PXDN: variants seen among roughly 807,000 people sequenced by gnomAD.
PXDN encodes peroxidasin homolog.
PXDN carries 77 observed loss-of-function variants against 140.3 expected under a neutral mutation model. The ratio of observed to expected loss-of-function variants is 0.55; its 90% CI spans 0.46 to 0.66. The LOEUF is 0.66. Among genes scored for constraint, PXDN ranks in the 30% least tolerant of loss-of-function variants. PXDN has a pLI of 0.00. For missense variants in PXDN, 1,838 were observed against 2,039.5 expected, an observed-to-expected ratio of 0.90 and a Z score of 1.90; for synonymous variants, 911 against 857.4, an observed-to-expected ratio of 1.06 and a Z score of -1.09.
At chr2:1,734,531 T>C (rs1390804372) in intron 1 of PXDN, among the ~76,000 whole-genome samples, 1 of 152,202 alleles carries the variant, frequency 6.6e-6, no homozygotes, top group Non-Finnish European at 1.5e-5. Flanking sequence ...TAGTATGCGA[T>C]GCTGTTTCAT....
In PXDN at chr2:1,675,165, T is replaced by TC. The variant is rs367736838; in HGVS notation, c.849-1354dup. On this transcript the variant is annotated intron_variant, in intron 8 of 22. Transcript: ENST00000252804. ...CAAGACTCTCTCTGATGTGGCCCAA[T>TC]CCCCCCCACCAGAAACACGGCGAGC... Among the ~76,000 whole-genome samples, 31 of 151,274 alleles carry TC rather than the reference T, an allele frequency of 2.0e-4. No homozygotes were observed. In the South Asian group the frequency reaches 5.1e-3, roughly 25 times the overall value.
chr2:1,685,947 A>G lies in PXDN; in HGVS notation c.416+1685T>C, dbSNP rs1268564624. On this transcript the variant is annotated intron_variant, in intron 4 of 22. Coordinates refer to ENST00000252804, the MANE Select transcript of PXDN (RefSeq NM_012293.3). This position sits in a 1 kb window ranked among gnomAD's most constrained non-coding sequence, Gnocchi z 5.1. Reference sequence around the variant, plus strand: ...GGTGTGTTTTCTGACCTGTGTCCACAGCTTCCCAAAGAGCCTTCTTTCTGG... The same window carrying G: ...GGTGTGTTTTCTGACCTGTGTCCACGGCTTCCCAAAGAGCCTTCTTTCTGG... Among the ~76,000 whole-genome samples, 1 of 152,138 alleles carries G rather than the reference A, an allele frequency of 6.6e-6. No homozygotes were observed. The highest frequency in any genetic ancestry group is 1.5e-5 in the Non-Finnish European group (1 of 68,004).
In PXDN at chr2:1,643,544, G is replaced by A. The variant is rs369587687; in HGVS notation, c.3776C>T (p.Pro1259Leu). The change falls in exon 19 of 23, where the codon CCG becomes CTG. Residue 1259 changes from proline (P) to leucine (L), a missense_variant. Transcript: ENST00000252804. Reference protein sequence around the residue: ...LWYENPGVFSPAQLTQIKQTS... With the variant: ...LWYENPGVFSLAQLTQIKQTS... ...CTGCTTGATCTGAGTCAGCTGGGCCGGGGAGAACACCCCAGGGTTCTCATA... is the reference window on the plus strand; with the variant it reads ...CTGCTTGATCTGAGTCAGCTGGGCCAGGGAGAACACCCCAGGGTTCTCATA... 1.5e-5 allele frequency: 24 copies of A among 1,613,740 alleles called. No homozygotes were observed. Among genetic ancestry groups the A allele is most frequent in the East Asian group, 4.5e-5 (2 of 44,862 alleles).
At chr2:1,650,593 A>G (rs916015035) in intron 16 of PXDN, among the ~76,000 whole-genome samples, 1 of 152,168 alleles carries the variant, frequency 6.6e-6, no homozygotes, top group African/African-American at 2.4e-5. Context: ...TGTGTTCGCC[A>G]AAGTGCTTCC....
rs750785778 is a variant in PXDN, at chr2:1,693,155, T to C, written c.201-21A>G. 5.3e-6 allele frequency: 8 copies of C among 1,515,354 alleles called. No homozygotes were observed. In the South Asian group the frequency reaches 1.0e-4, roughly 19 times the overall value. 93.9% of individuals were successfully genotyped at this position (1,515,354 alleles called of 1,614,324 possible). A position where few individuals can be genotyped will look rare whatever the true frequency, so the allele number is the denominator to read the frequency against. On this transcript the variant is annotated intron_variant, in intron 1 of 22. Transcript: ENST00000252804. ...GATCTCTGTGAAGAAACAAGAAAGGTATTATTACGTGAAAAAAAATCTACA... is the reference window on the plus strand; with the variant it reads ...GATCTCTGTGAAGAAACAAGAAAGGCATTATTACGTGAAAAAAAATCTACA...
chr2:1,688,552 C>T (rs1056947055), intron 3 of PXDN, among the ~76,000 whole-genome samples: 11 of 152,174 alleles, frequency 7.2e-5, no homozygotes, highest in African/African-American at 1.2e-4. Flanking sequence ...GGACATGACT[C>T]GCCTTCAGCC....
At chr2:1,647,051 C>T (rs73178782) in intron 17 of PXDN, among the ~76,000 whole-genome samples, 6,260 of 152,044 alleles carry the variant, frequency 0.041, 407 homozygotes, top group African/African-American at 0.14. Flanking sequence ...CCTGCCACCA[C>T]GCCCAGCTAA....
At chr2:1,702,809 T>C (rs1435032712) in intron 1 of PXDN, among the ~76,000 whole-genome samples, 1 of 152,070 alleles carries the variant, frequency 6.6e-6, no homozygotes, top group Non-Finnish European at 1.5e-5. Context: ...TTTGTATTTT[T>C]AGAGATGAGG....
In PXDN at chr2:1,719,834, T is replaced by TTGTGTGTGTG. The variant is rs36227356; in HGVS notation, c.200+24412_200+24421dup. 1.4e-3 allele frequency among the ~76,000 whole-genome samples: 148 copies of TTGTGTGTGTG among 108,320 alleles called. 2 individuals are homozygous for TTGTGTGTGTG. The highest frequency in any genetic ancestry group is 4.9e-3 in the East Asian group (13 of 2,632). The allele number at this position is 108,320 out of a possible 152,430, so 71.1% of individuals were successfully genotyped here. A position where few individuals can be genotyped will look rare whatever the true frequency, so the allele number is the denominator to read the frequency against. ...CACAGGATGTGTGTACATGCGTGCATTGTGTGTGTGTGTGTGTGTGTGTGT... is the reference window on the plus strand; with the variant it reads ...CACAGGATGTGTGTACATGCGTGCATTGTGTGTGTGTGTGTGTGTGTGTGTGTGTGTGTGT... On this transcript the variant is annotated intron_variant, in intron 1 of 22. Transcript: ENST00000252804.
intron 3 of PXDN, among the ~76,000 whole-genome samples, chr2:1,690,168 G>A (rs1684153444): frequency 6.6e-6 from 1 of 152,206 alleles, no homozygotes; most frequent in South Asian, 2.1e-4. Context: ...GCTGCTGGGT[G>A]AAAGGGTCCC....
At chr2:1,693,576 A>G (rs1476814467) in intron 1 of PXDN, among the ~76,000 whole-genome samples, 1 of 152,232 alleles carries the variant, frequency 6.6e-6, no homozygotes, top group Non-Finnish European at 1.5e-5. Context: ...TCAACGACCT[A>G]AACTGCTACC....
At chr2:1,689,792 A>C (rs2125448651) in intron 3 of PXDN, among the ~76,000 whole-genome samples, 1 of 152,230 alleles carries the variant, frequency 6.6e-6, no homozygotes, top group South Asian at 2.1e-4. Flanking sequence ...CTCAAAAAAA[A>C]AAAAAAAGGG....
At chr2:1,744,623 G>A, upstream of PXDN, 2 of 583,408 alleles carry the variant, frequency 3.4e-6, no homozygotes, top group Non-Finnish European at 4.9e-6. Context: ...CGAGGGCGGG[G>A]CGGGGCGAGA....
At chr2:1,733,748 C>CAAAAAAAAAAAAAA (rs72208257) in intron 1 of PXDN, among the ~76,000 whole-genome samples, 21 of 79,232 alleles carry the variant, frequency 2.7e-4, no homozygotes, top group Non-Finnish European at 4.2e-4. Flanking sequence ...TGTCAAATGA[C>CAAAAAAAAAAAAAA]AAAAAAAAAA....
intron 19 of PXDN, among the ~76,000 whole-genome samples, chr2:1,642,258 C>T (rs529142480): frequency 5.3e-5 from 8 of 152,240 alleles, no homozygotes; most frequent in African/African-American, 1.7e-4. Context: ...ACCCCACAGT[C>T]GCACACAGAC....
In PXDN at chr2:1,632,134, C is replaced by G. The variant is rs975082834; in HGVS notation, c.*2070G>C. On this transcript the variant is annotated 3_prime_UTR_variant, in exon 23 of 23. Coordinates refer to ENST00000252804, the MANE Select transcript of PXDN (RefSeq NM_012293.3). The surrounding 1 kb of genome is among the most constrained non-coding windows in gnomAD (Gnocchi z 4.3). ...AGAGAGTATCAAACTGGTGATTCCGCAGACATTTTGGTTTGAATTACAGAA... is the reference window on the plus strand; with the variant it reads ...AGAGAGTATCAAACTGGTGATTCCGGAGACATTTTGGTTTGAATTACAGAA... 1 of 152,406 alleles carries G rather than the reference C, an allele frequency of 6.6e-6. No homozygotes were observed. Among genetic ancestry groups the G allele is most frequent in the African/African-American group, 2.4e-5 (1 of 41,458 alleles). 9.4% of individuals were successfully genotyped at this position (152,406 alleles called of 1,614,324 possible). A position where few individuals can be genotyped will look rare whatever the true frequency, so the allele number is the denominator to read the frequency against.
intron 9 of PXDN, among the ~76,000 whole-genome samples, chr2:1,666,986 T>C (rs760612292): frequency 6.6e-6 from 1 of 152,210 alleles, no homozygotes; most frequent in Non-Finnish European, 1.5e-5. Context: ...ATGTGTTTCA[T>C]GTGTGAGTTT....
At chr2:1,704,473 A>AG (rs10719082) in intron 1 of PXDN, among the ~76,000 whole-genome samples, 1 of 22,522 alleles carries the variant, frequency 4.4e-5, no homozygotes, top group Non-Finnish European at 6.7e-5. Flanking sequence ...CTCCAGGTGA[A>AG]GGGGGGGGCA....
At chr2:1,679,384 T>C (rs1683812583) in intron 7 of PXDN, among the ~76,000 whole-genome samples, 1 of 149,808 alleles carries the variant, frequency 6.7e-6, no homozygotes, top group Non-Finnish European at 1.5e-5. Context: ...TGCATGTGTG[T>C]CTATAAATGG....
Sources: allele counts gnomAD v4.1 joint callset (sites outside exome capture counted in the v4.1 genomes callset), GRCh38; gene constraint gnomAD v4.1.1; non-coding constraint Gnocchi (gnomAD v3.1); transcripts MANE v1.5; gene names NCBI Gene and HGNC (gene_info 2026-07-23, HGNC 2026-07-21).